The following BBX variants were observed in gnomAD, a reference collection of about 807,000 sequenced individuals.
The protein encoded by BBX is BBX high mobility group box domain containing, also known as HMG box transcription factor BBX.
A neutral mutation model predicts 100.2 loss-of-function variants in BBX; 30 were observed. That is an observed-to-expected ratio of 0.30 (90% CI 0.22 to 0.41). The LOEUF is 0.41. Among genes scored for constraint, BBX ranks in the 10% least tolerant of loss-of-function variants. The probability of loss-of-function intolerance (pLI) is 1.00; values close to 1 mark genes in which losing one functional copy is unlikely to be tolerated. For missense variants in BBX, 1,023 were observed against 1,129.8 expected (o/e 0.91, Z 1.35); for synonymous variants, 376 against 388.1 (o/e 0.97, Z 0.37).
intron 2 of BBX, among the ~76,000 whole-genome samples, chr3:107,595,055 C>T (rs374253143): frequency 1.1e-4 from 17 of 152,300 alleles, no homozygotes; most frequent in East Asian, 9.6e-4. Context: ...CCATTCCTTG[C>T]GGCAGAGTCT....
chr3:107,712,626 C>G (rs749618130), intron 4 of BBX, among the ~76,000 whole-genome samples: 3 of 152,194 alleles, frequency 2.0e-5, no homozygotes, highest in Non-Finnish European at 4.4e-5. Flanking sequence ...CCACCTTGAT[C>G]CAAGCCACCA....
chr3:107,789,145 CAGT>C (rs1372209131), intron 13 of BBX, among the ~76,000 whole-genome samples: 4 of 151,444 alleles, frequency 2.6e-5, no homozygotes, highest in African/African-American at 9.7e-5. Context: ...TTGGGGAGGT[CAGT>C]GCTGTTGCTG....
chr3:107,566,373 C>T (rs1367953960), intron 2 of BBX, among the ~76,000 whole-genome samples: 1 of 151,970 alleles, frequency 6.6e-6, no homozygotes, highest in Non-Finnish European at 1.5e-5. Flanking sequence ...AGAAATTTTA[C>T]ATCTACTTTG....
Position 107,772,668 on chromosome 3 carries a change from A to G in BBX, c.947A>G (p.Lys316Arg). ...GAAGGGATGAAAATGGAAGAATCAA[A>G]GCTAATAAAAGCAAAAGAATCCGAT... ...ASEGMKMEES[K>R]LIKAKESDGG... The change falls in exon 11 of 18, where the codon AAG becomes AGG. Residue 316 changes from lysine (K) to arginine (R), a missense_variant. Coordinates refer to ENST00000325805, the MANE Select transcript of BBX (RefSeq NM_001142568.3). 1 of 1,597,694 alleles carries G rather than the reference A, an allele frequency of 6.3e-7. No homozygotes were observed.
At chr3:107,584,334 T>C (rs1006753031) in intron 2 of BBX, among the ~76,000 whole-genome samples, 4 of 144,752 alleles carry the variant, frequency 2.8e-5, no homozygotes, top group Non-Finnish European at 5.9e-5. Flanking sequence ...TTTTAACACC[T>C]GAATCAAATT....
At chr3:107,776,111 C>T (rs1304484633) in intron 12 of BBX, 2 of 152,140 alleles carry the variant, frequency 1.3e-5, no homozygotes, top group Non-Finnish European at 1.5e-5. Flanking sequence ...CCAGTGCTCT[C>T]TGTAGTCTGG....
At chr3:107,687,389 T>C (rs548944085) in intron 3 of BBX, among the ~76,000 whole-genome samples, 191 of 151,922 alleles carry the variant, frequency 1.3e-3, no homozygotes, top group Middle Eastern at 3.4e-3. Flanking sequence ...ATAGCTGATA[T>C]ATTGTGTCTT....
At position 107,523,027 on chromosome 3, in the gene BBX, C is replaced by T. The variant is rs1277683725; in HGVS notation, c.-236C>T. 1 of 153,478 alleles carries T rather than the reference C, an allele frequency of 6.5e-6. No homozygotes were observed. The highest frequency in any genetic ancestry group is 2.4e-5 in the African/African-American group (1 of 41,468). 9.5% of individuals were successfully genotyped at this position (153,478 alleles called of 1,614,324 possible). On this transcript the variant is annotated 5_prime_UTR_variant, in exon 1 of 18. Coordinates refer to ENST00000325805, the MANE Select transcript of BBX (RefSeq NM_001142568.3). The stretch of plus-strand genomic sequence containing the variant: ...AGGCAGAGCGGCTCCGCGAGCTTCT[C>T]TCCACTTTCCCATAGAGAAACCCTG...
At chr3:107,561,741 G>A (rs1195820179) in intron 2 of BBX, among the ~76,000 whole-genome samples, 1 of 152,090 alleles carries the variant, frequency 6.6e-6, no homozygotes, top group Non-Finnish European at 1.5e-5. Flanking sequence ...TCAGACTAGA[G>A]AGAGAAAAAT....
At chr3:107,801,013 T>C (rs2108031030) in intron 16 of BBX, 82 bp from the exon 17 acceptor site, 2 of 1,347,150 alleles carry the variant, frequency 1.5e-6, no homozygotes, top group East Asian at 2.3e-5. Context: ...TCTTTTCATG[T>C]TGACTGGCAC....
At chr3:107,740,635 C>T (rs535628290) in intron 7 of BBX, among the ~76,000 whole-genome samples, 5 of 152,166 alleles carry the variant, frequency 3.3e-5, no homozygotes, top group African/African-American at 7.2e-5. Context: ...TCCCACTATA[C>T]TCCAATGCAT....
At chr3:107,584,073 TATATATTATATATATC>T (rs2052548976) in intron 2 of BBX, among the ~76,000 whole-genome samples, 1 of 20,654 alleles carries the variant, frequency 4.8e-5, no homozygotes, top group Non-Finnish European at 9.2e-5. Context: ...TCATATATTA[TATATATTATATATATC>T]ATATATTATA....
chr3:107,606,912 C>A (rs1053516161), intron 2 of BBX, among the ~76,000 whole-genome samples: 1 of 152,002 alleles, frequency 6.6e-6, no homozygotes, highest in Non-Finnish European at 1.5e-5. Flanking sequence ...TTTTTATACC[C>A]ATTAACCATC....
chr3:107,758,818 A>T (rs763622923), intron 10 of BBX, among the ~76,000 whole-genome samples: 1 of 152,022 alleles, frequency 6.6e-6, no homozygotes, highest in Non-Finnish European at 1.5e-5. Context: ...AGTTAGTTAT[A>T]CCTCCCCCAT....
intron 2 of BBX, among the ~76,000 whole-genome samples, chr3:107,571,725 A>T (rs564986885): frequency 1.3e-5 from 2 of 152,194 alleles, no homozygotes; most frequent in South Asian, 4.1e-4. Flanking sequence ...ACGCGAGTCT[A>T]TGTGAAGAGA....
intron 2 of BBX, among the ~76,000 whole-genome samples, chr3:107,626,291 T>C (rs967574465): frequency 2.0e-5 from 3 of 152,234 alleles, no homozygotes; most frequent in Non-Finnish European, 4.4e-5. Flanking sequence ...AACAAAAAGA[T>C]ATTCCTGTTC....
chr3:107,567,260 G>A (rs1178717908), intron 2 of BBX, among the ~76,000 whole-genome samples: 1 of 151,988 alleles, frequency 6.6e-6, no homozygotes, highest in Non-Finnish European at 1.5e-5. Flanking sequence ...TTAATATTAT[G>A]TCTCTTAGGT....
intron 2 of BBX, among the ~76,000 whole-genome samples, chr3:107,638,780 T>TACACACACACACACACAC (rs61081300): frequency 3.0e-5 from 3 of 99,896 alleles, no homozygotes; most frequent in African/African-American, 4.0e-5. Context: ...AAAAAAAGTA[T>TACACACACACACACACAC]ACACACACAC....
intron 2 of BBX, among the ~76,000 whole-genome samples, chr3:107,534,485 TTCTTCC>T (rs1367480232): frequency 1.3e-5 from 2 of 152,226 alleles, no homozygotes; most frequent in African/African-American, 4.8e-5. Flanking sequence ...CCTTCTCTTC[TTCTTCC>T]TCTCTCTCAT....
Sources: allele counts gnomAD v4.1 joint callset (sites outside exome capture counted in the v4.1 genomes callset), GRCh38; gene constraint gnomAD v4.1.1; transcripts MANE v1.5; gene names NCBI Gene and HGNC (gene_info 2026-07-23, HGNC 2026-07-21).